The following TTC39A variants were observed in gnomAD, a reference collection of about 807,000 sequenced individuals.
TTC39A encodes the protein tetratricopeptide repeat protein 39A.
TTC39A carries 46 observed loss-of-function variants against 82.3 expected under a neutral mutation model. The ratio of observed to expected loss-of-function variants is 0.56; its 90% CI spans 0.44 to 0.71. The LOEUF is 0.71. Ranked by LOEUF, TTC39A falls within the 30% of genes least tolerant of loss-of-function variation. The pLI is 0.00. For missense variants in TTC39A, 543 were observed against 712.9 expected (o/e 0.76, Z 2.71); for synonymous variants, 254 against 275.2 (o/e 0.92, Z 0.76).
intron 8 of TTC39A, among the ~76,000 whole-genome samples, chr1:51,304,712 T>C (rs1053635611): frequency 6.6e-6 from 1 of 152,128 alleles, no homozygotes; most frequent in South Asian, 2.1e-4. Context: ...CACCAGAAAA[T>C]GGTCCTTGGG....
chr1:51,309,223 C>T, intron 6 of TTC39A, 38 bp downstream of exon 6: 1 of 1,574,208 alleles, frequency 6.4e-7, no homozygotes, highest in African/African-American at 1.3e-5. Flanking sequence ...TGCTGTGGCC[C>T]AGGGTCTCCC....
intron 1 of TTC39A, among the ~76,000 whole-genome samples, chr1:51,338,721 G>A (rs1646002775): frequency 6.8e-6 from 1 of 148,002 alleles, no homozygotes; most frequent in South Asian, 2.1e-4. Context: ...TCCCGCCTCA[G>A]CCTCCCAAGT....
intron 1 of TTC39A, among the ~76,000 whole-genome samples, chr1:51,325,564 AC>A (rs981807709): frequency 4.0e-5 from 6 of 151,768 alleles, no homozygotes; most frequent in African/African-American, 7.3e-5. Flanking sequence ...TGGGATTATT[AC>A]CCCCCCACAC....
chr1:51,315,597 C>A lies in TTC39A; in HGVS notation c.147-2654G>T, dbSNP rs1645254179. Among the ~76,000 whole-genome samples, 4 of 152,210 alleles carry A rather than the reference C, an allele frequency of 2.6e-5. No individual in the cohort carries two copies. The South Asian group carries it at 8.3e-4, about 31-fold the overall frequency. ...TTTCTGGTCCTTTCAGACCCCACTTCATTGTCTTCCTCTCCAGCCCAAGTT... is the reference window on the plus strand; with the variant it reads ...TTTCTGGTCCTTTCAGACCCCACTTAATTGTCTTCCTCTCCAGCCCAAGTT... On this transcript the variant is annotated intron_variant, in intron 2 of 17. Coordinates refer to ENST00000680483, the MANE Select transcript of TTC39A (RefSeq NM_001297663.2).
chr1:51,330,696 C>G (rs1441682341), upstream of TTC39A: 4 of 916,378 alleles, frequency 4.4e-6, no homozygotes, highest in Non-Finnish European at 5.2e-6. The surrounding 1 kb of genome is among the most constrained non-coding windows in gnomAD (Gnocchi z 4.5). Context: ...CCCGCACCGC[C>G]GGGGGTTCTG....
Position 51,301,736 on chromosome 1 carries a change from G to A in TTC39A, c.892-3C>T, listed in dbSNP as rs1644665422. 2 of 1,601,270 alleles carry A rather than the reference G, an allele frequency of 1.2e-6. No homozygotes were observed. Among genetic ancestry groups the A allele is most frequent in the Middle Eastern group, 1.7e-4 (1 of 6,018 alleles). On this transcript the variant is annotated splice_region_variant and splice_polypyrimidine_tract_variant and intron_variant, in intron 11 of 17. Coordinates refer to ENST00000680483, the MANE Select transcript of TTC39A (RefSeq NM_001297663.2). ...CACTCCTCGAAACGCCGGATGGCCT[G>A]CAGGCACCTTCTGGTCAGCCTGACG...
chr1:51,330,384 C>T lies in TTC39A; in HGVS notation c.41+53G>A, dbSNP rs1171940711. On this transcript the variant is annotated intron_variant, in intron 1 of 17. Coordinates refer to ENST00000680483, the MANE Select transcript of TTC39A (RefSeq NM_001297663.2). This position sits in a 1 kb window ranked among gnomAD's most constrained non-coding sequence, Gnocchi z 4.5. The stretch of plus-strand genomic sequence containing the variant: ...CCTGGCGCGGCGCCCGCCACCTGCC[C>T]GGGCCCCAGCCCGCGCCGCCCGCGC... 2.1e-6 allele frequency: 2 copies of T among 966,428 alleles called. No homozygotes were observed. The highest frequency in any genetic ancestry group is 5.3e-4 in the Middle Eastern group (1 of 1,890). 59.9% of individuals were successfully genotyped at this position (966,428 alleles called of 1,614,324 possible).
intron 13 of TTC39A, 145 bp downstream of exon 13, chr1:51,295,934 G>C (rs116436521): frequency 4.8e-5 from 38 of 793,696 alleles, no homozygotes; most frequent in East Asian, 1.1e-4. Context: ...GGACACGCAG[G>C]GGGGGCAGTC....
At chr1:51,330,784 C>G (rs1645890241), upstream of TTC39A, 2 of 378,886 alleles carry the variant, frequency 5.3e-6, no homozygotes, top group Non-Finnish European at 8.9e-6. This position sits in a 1 kb window ranked among gnomAD's most constrained non-coding sequence, Gnocchi z 4.5. Flanking sequence ...GGAGCTCGCT[C>G]CCTCCTCACA....
rs754409348 is a variant in TTC39A at position 51,302,489 on chromosome 1, C to A, written c.831+17G>T. 8 of 1,608,676 alleles carry A rather than the reference C, an allele frequency of 5.0e-6. No homozygotes were observed. The highest frequency in any genetic ancestry group is 6.8e-6 in the Non-Finnish European group (8 of 1,177,512). ...GTGTTTGTGGGCTGGGGGTACCGGG[C>A]AGCACATGGGGCTCACCTTAGGGTA... On this transcript the variant is annotated intron_variant, in intron 10 of 17. Coordinates refer to ENST00000680483, the MANE Select transcript of TTC39A (RefSeq NM_001297663.2).
chr1:51,312,695 A>G, intron 3 of TTC39A, 117 bp downstream of exon 3: 1 of 1,451,076 alleles, frequency 6.9e-7, no homozygotes, highest in Non-Finnish European at 9.4e-7. Context: ...ACATGCAGAC[A>G]CAACCTCTTA....
rs778884319 is a variant in TTC39A, at chr1:51,288,903, G to T, written c.1546C>A (p.Leu516Met). ...HYLIPNALLE[L>M]ALLLMEQDRN... ...TCTTGCTCCATAAGCAGCAGGGCCAGCTCCAGCAGGGCGTTTGGGATCAAG... is the reference window on the plus strand; with the variant it reads ...TCTTGCTCCATAAGCAGCAGGGCCATCTCCAGCAGGGCGTTTGGGATCAAG... Residue 516 changes from leucine to methionine, a missense_variant, in exon 17 of 18, where the codon CTG (leucine) becomes ATG (methionine). By Grantham distance (15) the Leu-to-Met change is conservative. Coordinates refer to ENST00000680483, the MANE Select transcript of TTC39A (RefSeq NM_001297663.2). The surrounding 1 kb of genome is among the most constrained non-coding windows in gnomAD (Gnocchi z 4.8). 2 of 1,612,400 alleles carry T rather than the reference G, an allele frequency of 1.2e-6. 1 individual carries two copies.
At chr1:51,313,197 A>C (rs935788286) in intron 2 of TTC39A, among the ~76,000 whole-genome samples, 3 of 152,162 alleles carry the variant, frequency 2.0e-5, no homozygotes, top group Non-Finnish European at 2.9e-5. Context: ...GTTCCTCATC[A>C]GCTCGGTAGG....
At chr1:51,343,659 A>G (rs183147302) in intron 1 of TTC39A, among the ~76,000 whole-genome samples, 2 of 152,342 alleles carry the variant, frequency 1.3e-5, no homozygotes, top group Admixed American at 6.5e-5. Context: ...AAGTAACACC[A>G]TACCTGCAGT....
intron 12 of TTC39A, among the ~76,000 whole-genome samples, chr1:51,296,630 A>G (rs531813930): frequency 8.5e-5 from 13 of 152,366 alleles, no homozygotes; most frequent in Non-Finnish European, 5.9e-5. Flanking sequence ...CACGGGCTGT[A>G]AAAAGAAGAG....
intron 1 of TTC39A, among the ~76,000 whole-genome samples, chr1:51,340,765 T>G (rs1275768953): frequency 6.6e-6 from 1 of 152,222 alleles, no homozygotes; most frequent in African/African-American, 2.4e-5. Context: ...ACAACAATCC[T>G]GGGAGGTGAG....
chr1:51,338,317 C>T (rs1645998240), intron 1 of TTC39A, among the ~76,000 whole-genome samples: 1 of 152,122 alleles, frequency 6.6e-6, no homozygotes, highest in Non-Finnish European at 1.5e-5. Context: ...AAGTTTCCTC[C>T]TCTATTAAAG....
At chr1:51,303,285 G>A (rs1206130824) in intron 8 of TTC39A, 93 bp from the exon 9 acceptor site, 3 of 1,126,708 alleles carry the variant, frequency 2.7e-6, no homozygotes, top group African/African-American at 3.1e-5. Context: ...CCGGCACAGG[G>A]GCGGAAGAGC....
Position 51,311,778 on chromosome 1 carries a change from C to T in TTC39A, c.355+341G>A, listed in dbSNP as rs563650885. Among the ~76,000 whole-genome samples, 6 of 152,342 alleles carry T rather than the reference C, an allele frequency of 3.9e-5. No homozygotes were observed. In the East Asian group the frequency reaches 5.8e-4, roughly 15 times the overall value. On this transcript the variant is annotated intron_variant, in intron 4 of 17. Transcript: ENST00000680483. ...ACCATATTCCCCTCTGGGGCCCATG[C>T]GATCACTAGGATAATTAAATCAGTA... is the stretch of plus-strand genomic sequence containing the variant.
Sources: allele counts gnomAD v4.1 joint callset (sites outside exome capture counted in the v4.1 genomes callset), GRCh38; gene constraint gnomAD v4.1.1; non-coding constraint Gnocchi (gnomAD v3.1); transcripts MANE v1.5; gene names NCBI Gene and HGNC (gene_info 2026-07-23, HGNC 2026-07-21).